The following CCDC171 variants were observed in gnomAD, a reference collection of about 807,000 sequenced individuals.
CCDC171 encodes the protein coiled-coil domain-containing protein 171.
In CCDC171, 177 loss-of-function variants were observed where a neutral mutation model predicts 168.2. The ratio of observed to expected loss-of-function variants is 1.05; its 90% CI spans 0.93 to 1.19. CCDC171 has a LOEUF of 1.19. Among genes scored for constraint, CCDC171 ranks in the 50% most tolerant of loss-of-function variants. CCDC171 has a pLI of 0.00. For missense variants in CCDC171, 1,991 were observed against 1,539.0 expected, an observed-to-expected ratio of 1.29 and a Z score of -4.91; for synonymous variants, 687 against 540.8, an observed-to-expected ratio of 1.27 and a Z score of -3.75.
intron 25 of CCDC171, among the ~76,000 whole-genome samples, chr9:15,945,643 T>G (rs1419903377): frequency 1.4e-5 from 2 of 145,308 alleles, no homozygotes; most frequent in Admixed American, 7.2e-5. Context: ...ATGGTGAGCA[T>G]TTTTTCATGT....
At chr9:15,744,251 T>C in intron 16 of CCDC171, 22 bp from the exon 17 acceptor site, 1 of 1,540,100 alleles carries the variant, frequency 6.5e-7, no homozygotes, top group South Asian at 1.3e-5. Flanking sequence ...TGATCAAATA[T>C]ATTTTTTGAC....
At chr9:15,609,131 G>A (rs1270529791) in intron 6 of CCDC171, among the ~76,000 whole-genome samples, 2 of 149,798 alleles carry the variant, frequency 1.3e-5, no homozygotes, top group East Asian at 1.9e-4. Context: ...ACGGAGTCTC[G>A]CTCTGTCATC....
chr9:15,813,990 G>A (rs1448233545), intron 21 of CCDC171, among the ~76,000 whole-genome samples: 2 of 152,188 alleles, frequency 1.3e-5, no homozygotes, highest in Non-Finnish European at 2.9e-5. Flanking sequence ...GTGATTTGCA[G>A]TTTCAGTAAA....
At position 15,605,763 on chromosome 9, in the gene CCDC171, C is replaced by A. The variant is rs192697705; in HGVS notation, c.675+11591C>A. 7.6e-4 allele frequency among the ~76,000 whole-genome samples: 115 copies of A among 152,030 alleles called. 1 individual carries two copies. Among genetic ancestry groups the A allele is most frequent in the Admixed American group, 1.1e-3 (17 of 15,264 alleles). ...GAAAGTAAGGGTCTTGCCCCTTTCA[C>A]CTCTGATTTCGCTCCTCATGTCAGG... On this transcript the variant is annotated intron_variant, in intron 6 of 25. Transcript: ENST00000380701.
intron 8 of CCDC171, among the ~76,000 whole-genome samples, chr9:15,664,273 G>A (rs1170523583): frequency 7.2e-5 from 11 of 152,128 alleles, no homozygotes; most frequent in Admixed American, 7.2e-4. Flanking sequence ...TTTTGAGACA[G>A]GTTCTTGCTC....
At chr9:16,087,515 G>C in the CCDC171 span, among the ~76,000 whole-genome samples, 4 of 139,136 alleles carry the variant, frequency 2.9e-5, no homozygotes, top group South Asian at 2.3e-4. Flanking sequence ...ATCTTTGTTG[G>C]TTTAAAGTCT....
At chr9:15,852,049 T>G (rs2061151318) in intron 23 of CCDC171, among the ~76,000 whole-genome samples, 1 of 151,870 alleles carries the variant, frequency 6.6e-6, no homozygotes, top group Admixed American at 6.6e-5. Context: ...TGAAATTTTG[T>G]GTAAAAATTT....
At chr9:15,576,345 G>A (rs1315108948) in intron 3 of CCDC171, among the ~76,000 whole-genome samples, 1 of 151,784 alleles carries the variant, frequency 6.6e-6, no homozygotes, top group Non-Finnish European at 1.5e-5. Context: ...ATCACACCTG[G>A]CTAATTTATT....
chr9:15,677,926 A>AT (rs1554754419), intron 9 of CCDC171, among the ~76,000 whole-genome samples: 11,188 of 27,810 alleles, frequency 0.4, 2,806 homozygotes, highest in Non-Finnish European at 0.44. Context: ...ATATATATAT[A>AT]AGAGATGTGG....
At chr9:15,733,975 A>C (rs1160048782) in intron 16 of CCDC171, among the ~76,000 whole-genome samples, 1 of 151,968 alleles carries the variant, frequency 6.6e-6, no homozygotes, top group Non-Finnish European at 1.5e-5. Flanking sequence ...AGGTCTCACT[A>C]TGTTGCCCAG....
chr9:15,693,158 C>G (rs945503971), intron 10 of CCDC171, among the ~76,000 whole-genome samples: 3 of 151,786 alleles, frequency 2.0e-5, no homozygotes, highest in African/African-American at 4.8e-5. Flanking sequence ...AAACAAAACA[C>G]CAAAAAAACA....
chr9:15,912,331 A>G (rs1419085982), intron 24 of CCDC171, among the ~76,000 whole-genome samples: 1 of 152,096 alleles, frequency 6.6e-6, no homozygotes, highest in African/African-American at 2.4e-5. Flanking sequence ...GAGTTTGCTC[A>G]TTATTTGGCT....
downstream of CCDC171, among the ~76,000 whole-genome samples, chr9:16,064,178 G>A (rs1416446199): frequency 1.3e-5 from 2 of 152,142 alleles, no homozygotes; most frequent in African/African-American, 4.8e-5. Flanking sequence ...CTCTTTTCCT[G>A]AAAGGATAAC....
intron 9 of CCDC171, among the ~76,000 whole-genome samples, chr9:15,667,336 A>G (rs2048803993): frequency 6.6e-6 from 1 of 152,150 alleles, no homozygotes; most frequent in Non-Finnish European, 1.5e-5. Context: ...TAGCCACAAT[A>G]TAAAGATCCC....
At chr9:15,577,214 G>T (rs1407024628) in intron 3 of CCDC171, among the ~76,000 whole-genome samples, 1 of 152,140 alleles carries the variant, frequency 6.6e-6, no homozygotes, top group African/African-American at 2.4e-5. Context: ...TAAATAAGCA[G>T]TTATTTTAAA....
At chr9:15,918,357 G>A (rs755981256) in intron 24 of CCDC171, among the ~76,000 whole-genome samples, 3 of 150,798 alleles carry the variant, frequency 2.0e-5, no homozygotes, top group Non-Finnish European at 3.0e-5. Context: ...TTTATAGAGG[G>A]AGGAGATGGA....
intron 11 of CCDC171, among the ~76,000 whole-genome samples, chr9:15,702,358 G>A (rs116068638): frequency 0.02 from 3,010 of 152,122 alleles, 108 homozygotes; most frequent in African/African-American, 0.069. Flanking sequence ...GTCAGTTTAA[G>A]TTGAAGCCAA....
intron 7 of CCDC171, among the ~76,000 whole-genome samples, chr9:15,638,388 A>T (rs925229119): frequency 1.3e-5 from 2 of 152,142 alleles, no homozygotes; most frequent in African/African-American, 4.8e-5. Context: ...TTTTACACTC[A>T]ATTGCGGAGA....
chr9:16,048,458 A>G (rs1425152435), intron 1 of CCDC171, among the ~76,000 whole-genome samples: 4 of 152,178 alleles, frequency 2.6e-5, no homozygotes, highest in African/African-American at 9.7e-5. Flanking sequence ...CCACATTACA[A>G]ATTAGTGACG....
Sources: gnomAD v4.1 joint callset for allele counts (sites outside exome capture counted in the v4.1 genomes callset) on GRCh38, gnomAD v4.1.1 for gene constraint, MANE v1.5 for transcripts, NCBI Gene and HGNC (gene_info 2026-07-23, HGNC 2026-07-21) for gene names.